ITGA11: variants seen among roughly 807,000 people sequenced by gnomAD.
ITGA11 encodes the protein integrin subunit alpha 11, also known as integrin alpha-11.
A neutral mutation model predicts 141.9 loss-of-function variants in ITGA11; 97 were observed. The ratio of observed to expected loss-of-function variants is 0.68; its 90% CI spans 0.58 to 0.81. ITGA11 has a LOEUF of 0.81. Ranked by LOEUF, ITGA11 falls within the 30% of genes least tolerant of loss-of-function variation. ITGA11 has a pLI of 0.00. For synonymous variants in ITGA11, 658 were observed against 624.6 expected (o/e 1.05, Z -0.80); for missense variants, 1,387 against 1,559.2 (o/e 0.89, Z 1.86).
At chr15:68,379,982 T>A (rs1315487736) in intron 2 of ITGA11, among the ~76,000 whole-genome samples, 1 of 152,160 alleles carries the variant, frequency 6.6e-6, no homozygotes, top group East Asian at 1.9e-4. Flanking sequence ...ATAAATAGGA[T>A]GGTGACTCTT....
At chr15:68,348,963 G>T in intron 9 of ITGA11, 63 bp from the exon 10 acceptor site, 2 of 1,409,786 alleles carry the variant, frequency 1.4e-6, no homozygotes, top group Non-Finnish European at 2.0e-6. Context: ...AGACAGATCT[G>T]CTGCCCAACC....
Position 68,427,588 on chromosome 15 carries a change from G to A in ITGA11, c.52+4427C>T, listed in dbSNP as rs1106706. On this transcript the variant is annotated intron_variant, in intron 1 of 29. Transcript: ENST00000315757. ...CTCCAGGTGGGATTTCACACGTCGT[G>A]TGACTCAGATCTTAAGTATATAGTA... Among the ~76,000 whole-genome samples the A allele has an allele frequency of 3.4e-3, 516 of 152,286 alleles. 4 individuals are homozygous for A. The highest frequency in any genetic ancestry group is 0.012 in the African/African-American group (487 of 41,556).
At chr15:68,406,897 C>T (rs1896661837) in intron 1 of ITGA11, among the ~76,000 whole-genome samples, 1 of 152,202 alleles carries the variant, frequency 6.6e-6, no homozygotes, top group Admixed American at 6.5e-5. Flanking sequence ...CTCACACCAA[C>T]CCCATGAGAC....
At chr15:68,350,547 T>C (rs1894873198) in intron 9 of ITGA11, 70 bp downstream of exon 9, 2 of 1,450,680 alleles carry the variant, frequency 1.4e-6, no homozygotes, top group Non-Finnish European at 1.9e-6. Context: ...GGGATTGGTT[T>C]GTGCTCTACG....
At chr15:68,330,008 C>T (rs1006162827) in intron 15 of ITGA11, among the ~76,000 whole-genome samples, 4 of 152,218 alleles carry the variant, frequency 2.6e-5, no homozygotes, top group Admixed American at 1.3e-4. Flanking sequence ...TTACGCCACA[C>T]TGGAAATGCT....
rs752614852 is a variant in ITGA11 at position 68,331,085 on chromosome 15, G to A, written c.1797C>T (p.Thr599=). The A allele has an allele frequency of 6.9e-6, 11 of 1,602,858 alleles. No individual in the cohort carries two copies. The highest frequency in any genetic ancestry group is 6.7e-5 in the African/African-American group (5 of 74,698). ...KQRITASELA[T]GLQYFGCSIH... The stretch of plus-strand genomic sequence containing the variant: ...TGCTGCAGCCAAAATACTGGAGGCC[G>A]GTAGCCAGCTCTGAGGCTGTGATTC... The change falls in exon 15 of 30, where the codon ACC becomes ACT. Residue 599 remains threonine (T), a synonymous_variant. Coordinates refer to ENST00000315757, the MANE Select transcript of ITGA11 (RefSeq NM_001004439.2).
rs1894320676 is a variant in ITGA11 at position 68,335,564 on chromosome 15, G to A, written c.1425+133C>T. The A allele has an allele frequency of 4.0e-6, 4 of 1,009,276 alleles. No individual in the cohort carries two copies. The highest frequency in any genetic ancestry group is 5.9e-6 in the Non-Finnish European group (4 of 678,884). 62.5% of individuals were successfully genotyped at this position (1,009,276 alleles called of 1,614,324 possible). On this transcript the variant is annotated intron_variant, in intron 12 of 29. Transcript: ENST00000315757. The surrounding 1 kb of genome is among the most constrained non-coding windows in gnomAD (Gnocchi z 4.9). ...GCACTCCTGCCACTCCTGGCAGCAT[G>A]AAGGTGGCTGGAGGAACATGACTGC...
intron 10 of ITGA11, among the ~76,000 whole-genome samples, chr15:68,347,123 A>G (rs1263403607): frequency 1.3e-5 from 2 of 152,200 alleles, no homozygotes. Context: ...GCGTTTTCTA[A>G]TCAGCTCTGA....
Position 68,335,772 on chromosome 15 carries a change from G to A in ITGA11, c.1350C>T (p.His450=). 6.2e-7 allele frequency: 1 copy of A among 1,613,836 alleles called. No homozygotes were observed. Among genetic ancestry groups the A allele is most frequent in the Non-Finnish European group, 8.5e-7 (1 of 1,179,828 alleles). ...VYVAGAPRFN[H]TGKVILFTMH... The stretch of plus-strand genomic sequence containing the variant: ...TGGTGAACAGGATGACCTTGCCCGT[G>A]TGGTTGAACCGGGGGGCTCCGGCCA... Residue 450 remains histidine (H), a synonymous_variant, in exon 12 of 30, where the codon CAC becomes CAT. Coordinates refer to ENST00000315757, the MANE Select transcript of ITGA11 (RefSeq NM_001004439.2). This position sits in a 1 kb window ranked among gnomAD's most constrained non-coding sequence, Gnocchi z 4.9.
Position 68,325,231 on chromosome 15 carries a change from T to C in ITGA11, c.2222A>G (p.Asp741Gly), listed in dbSNP as rs1385465683. 6.2e-7 allele frequency: 1 copy of C among 1,612,748 alleles called. No individual in the cohort carries two copies. The highest frequency in any genetic ancestry group is 1.3e-5 in the African/African-American group (1 of 74,878). The part of the protein sequence containing the change: ...RINFHVLDTA[D>G]YVKPVTFSVE... Reference sequence around the variant, plus strand: ...TGAGAAGGTCACTGGCTTCACGTAGTCAGCAGTGTCCTGGGGGGTGGAGAT... The same window carrying C: ...TGAGAAGGTCACTGGCTTCACGTAGCCAGCAGTGTCCTGGGGGGTGGAGAT... Residue 741 changes from aspartate (D) to glycine (G), a missense_variant, in exon 18 of 30, where the codon GAC becomes GGC. By Grantham distance (94) the Asp-to-Gly change is moderately conservative. Coordinates refer to ENST00000315757, the MANE Select transcript of ITGA11 (RefSeq NM_001004439.2). The surrounding 1 kb of genome is among the most constrained non-coding windows in gnomAD (Gnocchi z 5.5).
intron 16 of ITGA11, 104 bp downstream of exon 16, chr15:68,327,992 G>T: frequency 1.7e-6 from 2 of 1,183,472 alleles, no homozygotes; most frequent in Non-Finnish European, 2.3e-6. Context: ...TGGGCGACCT[G>T]GCACTTAGCA....
intron 2 of ITGA11, among the ~76,000 whole-genome samples, chr15:68,371,001 A>G (rs1182725055): frequency 1.3e-5 from 2 of 152,226 alleles, no homozygotes; most frequent in Non-Finnish European, 2.9e-5. Context: ...TTTGAAATTA[A>G]GCGTCTATGA....
At chr15:68,331,188 A>T in intron 14 of ITGA11, 77 bp from the exon 15 acceptor site, 2 of 1,348,294 alleles carry the variant, frequency 1.5e-6, no homozygotes, top group Admixed American at 4.0e-5. Flanking sequence ...CAGCAGGAAC[A>T]ATCAGGAACA....
intron 1 of ITGA11, among the ~76,000 whole-genome samples, chr15:68,414,399 C>T (rs1896841573): frequency 2.0e-5 from 3 of 152,186 alleles, no homozygotes; most frequent in African/African-American, 2.4e-5. Context: ...CAGGACTCAG[C>T]AAAGGGGACA....
At chr15:68,430,563 T>C (rs1328522250) in intron 1 of ITGA11, among the ~76,000 whole-genome samples, 1 of 152,186 alleles carries the variant, frequency 6.6e-6, no homozygotes, top group East Asian at 1.9e-4. Context: ...GCCACCTATC[T>C]GGAGTCACAC....
intron 1 of ITGA11, among the ~76,000 whole-genome samples, chr15:68,424,830 C>T (rs1343638867): frequency 1.3e-5 from 2 of 152,214 alleles, no homozygotes; most frequent in Admixed American, 1.3e-4. Context: ...GCAGAGATCC[C>T]CTAAAAAGGT....
intron 1 of ITGA11, among the ~76,000 whole-genome samples, chr15:68,424,152 T>C (rs1328339155): frequency 6.6e-6 from 1 of 152,186 alleles, no homozygotes; most frequent in Non-Finnish European, 1.5e-5. Context: ...ATAGAGAGTA[T>C]CACCAATGAA....
At chr15:68,343,673 C>T (rs559790720) in intron 10 of ITGA11, among the ~76,000 whole-genome samples, 11 of 152,294 alleles carry the variant, frequency 7.2e-5, no homozygotes, top group East Asian at 1.9e-4. Flanking sequence ...TGTCCTCCCC[C>T]GCCAAACTCC....
intron 14 of ITGA11, 122 bp from the exon 15 acceptor site, chr15:68,331,233 C>T: frequency 1.2e-6 from 1 of 867,696 alleles, no homozygotes; most frequent in Non-Finnish European, 1.8e-6. Context: ...AAGAAGCTTC[C>T]CCAACCCAAA....
Sources: gnomAD v4.1 joint callset for allele counts (sites outside exome capture counted in the v4.1 genomes callset) on GRCh38, gnomAD v4.1.1 for gene constraint, Gnocchi (gnomAD v3.1) non-coding constraint, MANE v1.5 for transcripts, NCBI Gene and HGNC (gene_info 2026-07-23, HGNC 2026-07-21) for gene names.